The following LNX1 variants were observed in gnomAD, a reference collection of about 807,000 sequenced individuals.
LNX1 encodes ligand of numb-protein X 1, also known as E3 ubiquitin-protein ligase LNX.
Under a neutral mutation model 68.4 loss-of-function variants are expected in LNX1, and 54 were observed. The observed-to-expected ratio is 0.79, with a 90% CI of 0.63 to 0.99. LNX1 has a LOEUF of 0.99. Ranked by LOEUF, LNX1 falls within the 50% of genes least tolerant of loss-of-function variation. The probability of loss-of-function intolerance (pLI) is 0.00; values close to 1 mark genes in which losing one functional copy is unlikely to be tolerated. For missense variants in LNX1, 906 were observed against 926.4 expected (o/e 0.98, Z 0.29); for synonymous variants, 336 against 350.0 (o/e 0.96, Z 0.45).
At chr4:53,497,156 C>G (rs1176995478) in intron 5 of LNX1, among the ~76,000 whole-genome samples, 2 of 152,190 alleles carry the variant, frequency 1.3e-5, no homozygotes, top group African/African-American at 2.4e-5. Flanking sequence ...AAGCTCGGCC[C>G]TCTCATTTGT....
At chr4:53,521,935 G>C (rs59961961) in intron 2 of LNX1, among the ~76,000 whole-genome samples, 1,726 of 151,688 alleles carry the variant, frequency 0.011, 35 homozygotes, top group African/African-American at 0.038. Flanking sequence ...GAGTAGCTAG[G>C]ACTACAGGTG....
At chr4:53,461,741 T>G in intron 9 of LNX1, 148 bp from the exon 10 acceptor site, 1 of 548,496 alleles carries the variant, frequency 1.8e-6, no homozygotes, top group Admixed American at 3.3e-5. Context: ...TATCATACCT[T>G]GGTGACCTTT....
intron 1 of LNX1, among the ~76,000 whole-genome samples, chr4:53,642,186 C>T (rs1288655023): frequency 2.1e-5 from 3 of 144,902 alleles, no homozygotes; most frequent in Non-Finnish European, 4.5e-5. Flanking sequence ...CACATTACTG[C>T]ACTCCAGCCT....
intron 2 of LNX1, among the ~76,000 whole-genome samples, chr4:53,537,243 C>G (rs756556920): frequency 1.3e-5 from 2 of 152,192 alleles, no homozygotes; most frequent in Non-Finnish European, 2.9e-5. Flanking sequence ...AAACACCAAA[C>G]AAATTATAAA....
At position 53,499,667 on chromosome 4, in the gene LNX1, GC is replaced by G. The variant is rs1248786596; in HGVS notation, c.776-825del. On this transcript the variant is annotated intron_variant, in intron 4 of 10. Coordinates refer to ENST00000263925, the MANE Select transcript of LNX1 (RefSeq NM_001126328.3). ...GAGAGGTAAAAAACAGAACCAATTT[GC>G]CACTTTGCCCTCTCAGATAATTTTG... Among the ~76,000 whole-genome samples, 8 of 152,314 alleles carry G rather than the reference GC, an allele frequency of 5.3e-5. No homozygotes were observed. The East Asian group carries it at 1.5e-3, about 29-fold the overall frequency.
At chr4:53,597,315 C>T (rs1440092121) in intron 2 of LNX1, among the ~76,000 whole-genome samples, 1 of 152,176 alleles carries the variant, frequency 6.6e-6, no homozygotes, top group African/African-American at 2.4e-5. Context: ...CCTTGCCTGG[C>T]CTGTGAGGCT....
chr4:53,582,307 G>C (rs1731884037), intron 1 of LNX1, among the ~76,000 whole-genome samples: 1 of 152,108 alleles, frequency 6.6e-6, no homozygotes, highest in African/African-American at 2.4e-5. Context: ...AGACACACAG[G>C]TGAACAGTTT....
In LNX1 at chr4:53,567,685, C is replaced by A. The variant is rs185036117; in HGVS notation, c.380+5938G>T. ...GGAAATAGAGACACAAAAAACCCTTCAAAAAATTGATGAATCCAGGAGCTG... is the reference window on the plus strand; with the variant it reads ...GGAAATAGAGACACAAAAAACCCTTAAAAAAATTGATGAATCCAGGAGCTG... On this transcript the variant is annotated intron_variant, in intron 2 of 10. Transcript: ENST00000263925. Among the ~76,000 whole-genome samples the A allele has an allele frequency of 5.4e-3, 828 of 152,040 alleles. 6 individuals carry two copies. Among genetic ancestry groups the A allele is most frequent in the Non-Finnish European group, 7.2e-3 (491 of 67,988 alleles).
Position 53,495,548 on chromosome 4 carries a change from C to CT in LNX1, c.1350+474dup, listed in dbSNP as rs199684639. ...GATCCCTGGAGAATGCATGGCATAG[C>CT]TTTTTTTTTTTTTAAGATGGGTCTT... On this transcript the variant is annotated intron_variant, in intron 6 of 10. Coordinates refer to ENST00000263925, the MANE Select transcript of LNX1 (RefSeq NM_001126328.3). Among the ~76,000 whole-genome samples the CT allele has an allele frequency of 1.5e-3, 181 of 119,378 alleles. 10 individuals are homozygous for CT. In the East Asian group the frequency reaches 0.021, roughly 14 times the overall value. The allele number at this position is 119,378 out of a possible 152,430, so 78.3% of individuals were successfully genotyped here.
intron 2 of LNX1, among the ~76,000 whole-genome samples, chr4:53,613,526 G>C (rs1370697634): frequency 2.4e-4 from 36 of 151,996 alleles, no homozygotes; most frequent in Admixed American, 2.4e-3. Flanking sequence ...CCACCGTCCA[G>C]TAAGCCCCAG....
chr4:53,554,099 G>A (rs974603089), intron 2 of LNX1, among the ~76,000 whole-genome samples: 1 of 152,220 alleles, frequency 6.6e-6, no homozygotes, highest in African/African-American at 2.4e-5. Context: ...GTTGCTAGGT[G>A]GAGACTGTTA....
chr4:53,461,044 T>TAAAA lies in LNX1; in HGVS notation c.2052-6_2052-3dup. 1 of 1,172,680 alleles carries TAAAA rather than the reference T, an allele frequency of 8.5e-7. No individual in the cohort carries two copies. The highest frequency in any genetic ancestry group is 1.2e-6 in the Non-Finnish European group (1 of 852,544). The allele number at this position is 1,172,680 out of a possible 1,614,324, so 72.6% of individuals were successfully genotyped here. A position where few individuals can be genotyped will look rare whatever the true frequency, so the allele number is the denominator to read the frequency against. On this transcript the variant is annotated splice_polypyrimidine_tract_variant and splice_region_variant and intron_variant, in intron 10 of 10. Transcript: ENST00000263925. ...ACAGCAAGAAGAATATCACCACATC[T>TAAAA]AAAAAAAAAAACAAAACAAGATATG...
intron 2 of LNX1, among the ~76,000 whole-genome samples, chr4:53,544,833 C>G (rs1303488559): frequency 2.6e-5 from 4 of 152,190 alleles, no homozygotes; most frequent in Non-Finnish European, 5.9e-5. Context: ...GAGGTTGATG[C>G]AATGACATCA....
intron 2 of LNX1, among the ~76,000 whole-genome samples, chr4:53,518,371 G>A (rs1577647951): frequency 6.6e-6 from 1 of 152,108 alleles, no homozygotes; most frequent in Non-Finnish European, 1.5e-5. Context: ...GGGAAGAAGT[G>A]GACATTCTTC....
rs1236362609 is a variant in LNX1, at chr4:53,616,880, CTG to C, written c.-283-297_-283-296del. On this transcript the variant is annotated intron_variant, in intron 1 of 3. Transcript: ENST00000504299. ...ACACCCTGGCTTGAAATGTAGCTAG[CTG>C]TGTGGTTACTGATGTTTAAACTAAG... Among the ~76,000 whole-genome samples the C allele has an allele frequency of 7.2e-5, 11 of 152,270 alleles. No homozygotes were observed. In the East Asian group the frequency reaches 2.1e-3, roughly 29 times the overall value.
At chr4:53,518,486 T>G (rs1726961087) in intron 2 of LNX1, among the ~76,000 whole-genome samples, 1 of 152,312 alleles carries the variant, frequency 6.6e-6, no homozygotes, top group Admixed American at 6.5e-5. Flanking sequence ...CCTTCAAATC[T>G]CAACTCACAA....
chr4:53,527,931 A>G (rs1420304713), intron 2 of LNX1, among the ~76,000 whole-genome samples: 1 of 152,198 alleles, frequency 6.6e-6, no homozygotes, highest in Non-Finnish European at 1.5e-5. Context: ...GGTGATGTTT[A>G]TGGTCTAATA....
At chr4:53,464,697 ATAAC>A (rs1560609133) in intron 9 of LNX1, among the ~76,000 whole-genome samples, 1 of 152,158 alleles carries the variant, frequency 6.6e-6, no homozygotes, top group Non-Finnish European at 1.5e-5. Context: ...AGGATAAGGG[ATAAC>A]TAAACCATTT....
intron 6 of LNX1, among the ~76,000 whole-genome samples, chr4:53,490,456 T>C (rs2109448225): frequency 6.6e-6 from 1 of 152,338 alleles, no homozygotes; most frequent in East Asian, 1.9e-4. Flanking sequence ...CAGCACCATA[T>C]TTGAGGCTTC....
Sources: gnomAD v4.1 joint callset for allele counts (sites outside exome capture counted in the v4.1 genomes callset) on GRCh38, gnomAD v4.1.1 for gene constraint, MANE v1.5 for transcripts, NCBI Gene and HGNC (gene_info 2026-07-23, HGNC 2026-07-21) for gene names.